ARID3A: variants seen among roughly 807,000 people sequenced by gnomAD.
ARID3A encodes the protein AT-rich interaction domain 3A.
ARID3A carries 11 observed loss-of-function variants against 52.7 expected under a neutral mutation model. The observed-to-expected ratio is 0.21, with a 90% CI of 0.13 to 0.35. The LOEUF is 0.35. Among genes scored for constraint, ARID3A ranks in the 10% least tolerant of loss-of-function variants. The pLI is 1.00. For missense variants in ARID3A, 721 were observed against 838.5 expected, an observed-to-expected ratio of 0.86 and a Z score of 1.73; for synonymous variants, 404 against 359.4, an observed-to-expected ratio of 1.12 and a Z score of -1.40.
At chr19:963,780 C>G (rs1025749815) in intron 4 of ARID3A, among the ~76,000 whole-genome samples, 1 of 152,194 alleles carries the variant, frequency 6.6e-6, no homozygotes, top group African/African-American at 2.4e-5. Flanking sequence ...AGTCCACAGC[C>G]CTCCATTCTC....
intron 3 of ARID3A, among the ~76,000 whole-genome samples, chr19:957,836 CCT>C (rs1018762780): frequency 1.4e-5 from 2 of 139,560 alleles, no homozygotes; most frequent in Non-Finnish European, 3.1e-5. Flanking sequence ...AGAGTGAGAC[CCT>C]GTCTCCAAAA....
intron 3 of ARID3A, among the ~76,000 whole-genome samples, chr19:937,291 G>A (rs1347293676): frequency 6.6e-6 from 1 of 152,106 alleles, no homozygotes; most frequent in Non-Finnish European, 1.5e-5. Flanking sequence ...GAAAAGAAAT[G>A]GGATCACACA....
intron 3 of ARID3A, among the ~76,000 whole-genome samples, chr19:953,736 AGCGCCGCGGAG>A (rs1368726413): frequency 3.3e-5 from 5 of 151,904 alleles, no homozygotes; most frequent in African/African-American, 1.2e-4. Flanking sequence ...CAGAAGGAAC[AGCGCCGCGGAG>A]GCCCTGGGGT....
Position 967,707 on chromosome 19 carries a change from A to G in ARID3A, c.1496-698A>G, listed in dbSNP as rs1270190306. 1.3e-5 allele frequency among the ~76,000 whole-genome samples: 2 copies of G among 152,194 alleles called. 1 individual carries two copies. The highest frequency in any genetic ancestry group is 4.1e-4 in the South Asian group (2 of 4,828). ...GTAAAGCTAAAATCTAGTTGGCGAG[A>G]CAGACAGAAAACAGAACATGTCACA... On this transcript the variant is annotated intron_variant, in intron 7 of 8. Coordinates refer to ENST00000263620, the MANE Select transcript of ARID3A (RefSeq NM_005224.3).
chr19:970,261 C>T (rs934863841), intron 8 of ARID3A, among the ~76,000 whole-genome samples: 18 of 151,666 alleles, frequency 1.2e-4, no homozygotes, highest in Non-Finnish European at 2.1e-4. Context: ...TGCAGTGAGC[C>T]GAGATCGCGC....
At position 938,896 on chromosome 19, in the gene ARID3A, T is replaced by C. The variant is rs2037488491; in HGVS notation, c.693+6154T>C. On this transcript the variant is annotated intron_variant, in intron 3 of 8. Transcript: ENST00000263620. The surrounding 1 kb of genome is among the most constrained non-coding windows in gnomAD (Gnocchi z 4.0). ...TCAGCTCATTTGTTTTTTTTAATTG[T>C]GGAAAATACACATAGATACATTATT... is the stretch of plus-strand genomic sequence containing the variant. 6.6e-6 allele frequency among the ~76,000 whole-genome samples: 1 copy of C among 150,946 alleles called. No homozygotes were observed. Among genetic ancestry groups the C allele is most frequent in the Non-Finnish European group, 1.5e-5 (1 of 67,872 alleles).
At chr19:956,289 A>G (rs188225841) in intron 3 of ARID3A, among the ~76,000 whole-genome samples, 12 of 152,100 alleles carry the variant, frequency 7.9e-5, no homozygotes, top group Non-Finnish European at 1.5e-4. Context: ...TGCCCGGCTC[A>G]CTTTTGCAGC....
At chr19:936,725 C>T (rs545083337) in intron 3 of ARID3A, among the ~76,000 whole-genome samples, 8 of 152,234 alleles carry the variant, frequency 5.3e-5, no homozygotes, top group African/African-American at 1.7e-4. Context: ...GCCTGTAGTC[C>T]CAGCTACTTG....
intron 8 of ARID3A, among the ~76,000 whole-genome samples, chr19:969,620 T>C (rs2038234853): frequency 1.3e-5 from 2 of 151,232 alleles, no homozygotes; most frequent in African/African-American, 4.9e-5. Flanking sequence ...TAGATATAGA[T>C]TTATATGTAT....
In ARID3A at chr19:966,588, C is replaced by T. The variant is rs769899505; in HGVS notation, c.1215C>T (p.Ile405=). 1 of 1,563,658 alleles carries T rather than the reference C, an allele frequency of 6.4e-7. No homozygotes were observed. Among genetic ancestry groups the T allele is most frequent in the Non-Finnish European group, 8.7e-7 (1 of 1,151,160 alleles). ...CCTACCTAGAGGAGGACTCAGCCAT[C>T]CCCATCACAGTCCCTGGCCGCCTGC... ...PKIKKEEDSA[I]PITVPGRLPV... Residue 405 remains isoleucine (I), a synonymous_variant, in exon 7 of 9, where the codon ATC becomes ATT. Transcript: ENST00000263620.
intron 3 of ARID3A, among the ~76,000 whole-genome samples, chr19:954,667 G>A (rs563290066): frequency 6.6e-6 from 1 of 152,180 alleles, no homozygotes; most frequent in South Asian, 2.1e-4. Flanking sequence ...AAAGGTGGGT[G>A]GGAGCAGAGC....
In ARID3A at chr19:941,892, C is replaced by T. The variant is rs995698424; in HGVS notation, c.693+9150C>T. Among the ~76,000 whole-genome samples, 3 of 151,932 alleles carry T rather than the reference C, an allele frequency of 2.0e-5. No individual in the cohort carries two copies. Among genetic ancestry groups the T allele is most frequent in the Admixed American group, 2.0e-4 (3 of 15,232 alleles). Reference sequence around the variant, plus strand: ...AAAGCGTGCCTGCTTGGGCTCGCCACGTGTGCGCACGTGTGCCCGTGACAG... The same window carrying T: ...AAAGCGTGCCTGCTTGGGCTCGCCATGTGTGCGCACGTGTGCCCGTGACAG... On this transcript the variant is annotated intron_variant, in intron 3 of 8. Transcript: ENST00000263620. The surrounding 1 kb of genome is among the most constrained non-coding windows in gnomAD (Gnocchi z 6.9).
At chr19:931,144 AT>A (rs2037318856) in intron 2 of ARID3A, among the ~76,000 whole-genome samples, 1 of 152,008 alleles carries the variant, frequency 6.6e-6, no homozygotes, top group African/African-American at 2.4e-5. Context: ...AAGTACAAAA[AT>A]TAGTCGGGTG....
At position 926,130 on chromosome 19, in the gene ARID3A, G is replaced by A. The variant is rs1270400779; in HGVS notation, c.-268+71G>A. The A allele has an allele frequency of 7.3e-5, 11 of 150,710 alleles. No homozygotes were observed. In the South Asian group the frequency reaches 2.3e-3, roughly 31 times the overall value. 9.3% of individuals were successfully genotyped at this position (150,710 alleles called of 1,614,324 possible). ...CAGCGGCGCGCACCGGCGGCTGGAA[G>A]CCAGGCGGGCCCGGGCAGGCCGACC... On this transcript the variant is annotated intron_variant, in intron 1 of 8. Coordinates refer to ENST00000263620, the MANE Select transcript of ARID3A (RefSeq NM_005224.3).
intron 6 of ARID3A, among the ~76,000 whole-genome samples, chr19:966,318 G>A (rs2038151951): frequency 6.6e-6 from 1 of 151,514 alleles, no homozygotes; most frequent in Non-Finnish European, 1.5e-5. Context: ...AATTAGCCAG[G>A]CGTGGTGGCG....
At chr19:963,833 C>T (rs1444905172) in intron 4 of ARID3A, among the ~76,000 whole-genome samples, 7 of 152,198 alleles carry the variant, frequency 4.6e-5, no homozygotes, top group Non-Finnish European at 7.3e-5. Context: ...CCTTGCCTGC[C>T]TGAGGCTGCA....
intron 3 of ARID3A, among the ~76,000 whole-genome samples, chr19:951,284 C>A (rs938500408): frequency 1.3e-5 from 2 of 149,630 alleles, no homozygotes; most frequent in African/African-American, 4.9e-5. Flanking sequence ...AGGCCAGGCG[C>A]GGTGGCTCAT....
In ARID3A at chr19:942,795, C is replaced by T. The variant is rs181925026; in HGVS notation, c.693+10053C>T. 5.1e-4 allele frequency among the ~76,000 whole-genome samples: 78 copies of T among 152,334 alleles called. No individual in the cohort carries two copies. The highest frequency in any genetic ancestry group is 5.9e-5 in the Non-Finnish European group (4 of 68,030). On this transcript the variant is annotated intron_variant, in intron 3 of 8. Transcript: ENST00000263620. This position sits in a 1 kb window ranked among gnomAD's most constrained non-coding sequence, Gnocchi z 8.1. ...CAGCCTCCTCTGCCACCCTCAGAGA[C>T]GGAGAACGTGAGAGCAAGTAAGAAC...
chr19:930,730 C>G (rs1016838960), intron 2 of ARID3A, among the ~76,000 whole-genome samples: 2 of 150,806 alleles, frequency 1.3e-5, no homozygotes, highest in East Asian at 2.0e-4. Flanking sequence ...AAGATGGTCT[C>G]GATCTCCTGA....
Sources: allele counts gnomAD v4.1 joint callset (sites outside exome capture counted in the v4.1 genomes callset), GRCh38; gene constraint gnomAD v4.1.1; non-coding constraint Gnocchi (gnomAD v3.1); transcripts MANE v1.5; gene names NCBI Gene and HGNC (gene_info 2026-07-23, HGNC 2026-07-21).